HECW1: variants seen among roughly 807,000 people sequenced by gnomAD.
HECW1 encodes E3 ubiquitin-protein ligase HECW1.
HECW1 carries 61 observed loss-of-function variants against 182.3 expected under a neutral mutation model. The ratio of observed to expected loss-of-function variants is 0.33; its 90% confidence interval spans 0.27 to 0.41. The LOEUF (loss-of-function observed/expected upper bound fraction) is 0.41, where lower values mean the gene tolerates loss of function less well. Among genes scored for constraint, HECW1 ranks in the 10% least tolerant of loss-of-function variants. The pLI is 1.00. For missense variants in HECW1, 1,739 were observed against 2,108.9 expected, an observed-to-expected ratio of 0.82 and a Z score of 3.44; for synonymous variants, 859 against 832.6, an observed-to-expected ratio of 1.03 and a Z score of -0.55.
chr7:43,335,546 T>C (rs941702504), intron 5 of HECW1, among the ~76,000 whole-genome samples: 4 of 152,240 alleles, frequency 2.6e-5, no homozygotes, highest in Middle Eastern at 3.2e-3. Context: ...CACCTTGACA[T>C]TGAACTTTCC....
chr7:43,335,857 ATC>A (rs148385105), intron 5 of HECW1, among the ~76,000 whole-genome samples: 4,028 of 116,366 alleles, frequency 0.035, 187 homozygotes, highest in African/African-American at 0.12. Context: ...TTCTCCCTTC[ATC>A]TCTCTCTTTC....
intron 29 of HECW1, among the ~76,000 whole-genome samples, chr7:43,559,754 G>A (rs550192412): frequency 1.2e-4 from 18 of 152,220 alleles, no homozygotes; most frequent in Non-Finnish European, 1.5e-4. Flanking sequence ...GCAGGCACTC[G>A]GTGCTGTCAG....
Position 43,456,277 on chromosome 7 carries a change from G to A in HECW1, c.2501-20G>A. ...TAGTTTGTCCTTGATTTTTCTTTTT[G>A]CCTTTTTATTAAACACTAGACTGGG... is the stretch of plus-strand genomic sequence containing the variant. On this transcript the variant is annotated intron_variant, in intron 12 of 29. Coordinates refer to ENST00000395891, the MANE Select transcript of HECW1 (RefSeq NM_015052.5). 1.3e-6 allele frequency: 2 copies of A among 1,500,866 alleles called. No homozygotes were observed. Among genetic ancestry groups the A allele is most frequent in the Non-Finnish European group, 1.8e-6 (2 of 1,113,442 alleles). The allele number at this position is 1,500,866 out of a possible 1,614,324, so 93.0% of individuals were successfully genotyped here.
chr7:43,498,974 G>T (rs549372329), intron 19 of HECW1, among the ~76,000 whole-genome samples: 26 of 152,146 alleles, frequency 1.7e-4, no homozygotes, highest in African/African-American at 6.3e-4. Flanking sequence ...TTGGAAAATA[G>T]ATTTTTTTTT....
chr7:43,189,401 A>G (rs1207372267), intron 2 of HECW1, among the ~76,000 whole-genome samples: 1 of 152,182 alleles, frequency 6.6e-6, no homozygotes, highest in Non-Finnish European at 1.5e-5. Flanking sequence ...TACACAGTGA[A>G]TAGCAAAATA....
At position 43,383,226 on chromosome 7, in the gene HECW1, C is replaced by T. The variant is rs994015370; in HGVS notation, c.556-13588C>T. Among the ~76,000 whole-genome samples, 4 of 152,126 alleles carry T rather than the reference C, an allele frequency of 2.6e-5. No individual in the cohort carries two copies. In the East Asian group the frequency reaches 5.8e-4, roughly 22 times the overall value. ...GTTCCAAGTCTTTGCTATTGTAAAT[C>T]GTGCTACAATAAACATATGTGTGCA... On this transcript the variant is annotated intron_variant, in intron 6 of 29. Transcript: ENST00000395891.
chr7:43,474,836 C>T (rs2078161792), intron 16 of HECW1, among the ~76,000 whole-genome samples: 1 of 152,170 alleles, frequency 6.6e-6, no homozygotes, highest in Non-Finnish European at 1.5e-5. Context: ...CATGCTACAA[C>T]ATGAATGAAC....
intron 2 of HECW1, among the ~76,000 whole-genome samples, chr7:43,234,939 G>A (rs540660090): frequency 2.3e-4 from 35 of 152,298 alleles, no homozygotes; most frequent in Non-Finnish European, 2.8e-4. Flanking sequence ...GAATAAGGTC[G>A]CCTTTCATGA....
In HECW1 at chr7:43,450,609, A is replaced by C. The variant is rs549042882; in HGVS notation, c.2399-219A>C. 2.0e-5 allele frequency among the ~76,000 whole-genome samples: 3 copies of C among 152,344 alleles called. No individual in the cohort carries two copies. The East Asian group carries it at 5.8e-4, about 29-fold the overall frequency. On this transcript the variant is annotated intron_variant, in intron 11 of 29. Transcript: ENST00000395891. Reference sequence around the variant, plus strand: ...TCCTACATATTGGACTGTGTGGCGCAGATCATTAGTTATGAAGTGTTTTGA... The same window carrying C: ...TCCTACATATTGGACTGTGTGGCGCCGATCATTAGTTATGAAGTGTTTTGA...
chr7:43,205,488 A>T (rs185321534), intron 2 of HECW1, among the ~76,000 whole-genome samples: 1 of 152,258 alleles, frequency 6.6e-6, no homozygotes, highest in South Asian at 2.1e-4. Flanking sequence ...AGTGGGGTGG[A>T]TGAAATCACT....
chr7:43,214,844 C>T (rs1243872757), intron 2 of HECW1, among the ~76,000 whole-genome samples: 1 of 152,186 alleles, frequency 6.6e-6, no homozygotes, highest in Non-Finnish European at 1.5e-5. Flanking sequence ...ATGTTCTGAC[C>T]TTGCACTTCT....
intron 5 of HECW1, among the ~76,000 whole-genome samples, chr7:43,334,042 G>A (rs764486893): frequency 1.4e-4 from 21 of 152,180 alleles, no homozygotes; most frequent in East Asian, 1.9e-4. Flanking sequence ...TTATTCCTAC[G>A]TTATACCTCT....
chr7:43,491,202 T>A (rs1256503588), intron 17 of HECW1, among the ~76,000 whole-genome samples: 1 of 152,260 alleles, frequency 6.6e-6, no homozygotes, highest in Non-Finnish European at 1.5e-5. Context: ...ACAAGTGCTT[T>A]GCAGTCAAGT....
chr7:43,534,433 A>G (rs939786033), intron 24 of HECW1, among the ~76,000 whole-genome samples: 2 of 152,192 alleles, frequency 1.3e-5, no homozygotes, highest in African/African-American at 4.8e-5. Flanking sequence ...GAAGAGGGAG[A>G]GAAGGAAGGG....
At chr7:43,158,069 T>G (rs1790090632) in intron 2 of HECW1, among the ~76,000 whole-genome samples, 1 of 152,206 alleles carries the variant, frequency 6.6e-6, no homozygotes, top group Admixed American at 6.5e-5. Flanking sequence ...CTTGTGAGTA[T>G]TGATTGAGAT....
chr7:43,535,978 C>T (rs4724213), intron 24 of HECW1, among the ~76,000 whole-genome samples: 32,635 of 152,088 alleles, frequency 0.21, 3,652 homozygotes, highest in Admixed American at 0.26. Context: ...ATGAAAATAA[C>T]TTATATCAGA....
chr7:43,552,991 T>C (rs1050187510), intron 28 of HECW1, among the ~76,000 whole-genome samples: 1 of 152,158 alleles, frequency 6.6e-6, no homozygotes, highest in Non-Finnish European at 1.5e-5. Flanking sequence ...TCCTGAGCAG[T>C]GTGCATGGCT....
chr7:43,340,226 C>CT (rs151194030), intron 5 of HECW1, among the ~76,000 whole-genome samples: 17 of 97,572 alleles, frequency 1.7e-4, no homozygotes, highest in East Asian at 7.4e-4. Context: ...CCCCCCACCC[C>CT]TTTTTTTTTT....
intron 19 of HECW1, among the ~76,000 whole-genome samples, chr7:43,499,056 G>A (rs949204064): frequency 6.6e-6 from 1 of 152,012 alleles, no homozygotes; most frequent in Admixed American, 6.5e-5. Context: ...TGAGGCAGGC[G>A]AATCTCTTGA....
Sources: allele counts gnomAD v4.1 joint callset (sites outside exome capture counted in the v4.1 genomes callset), GRCh38; gene constraint gnomAD v4.1.1; transcripts MANE v1.5; gene names NCBI Gene and HGNC (gene_info 2026-07-23, HGNC 2026-07-21).